Variants in SAMD12 observed in about 807,000 individuals in gnomAD.
SAMD12 encodes the protein sterile alpha motif domain containing 12, also known as sterile alpha motif domain-containing protein 12.
SAMD12 carries 9 observed loss-of-function variants against 15.0 expected under a neutral mutation model. That is an observed-to-expected ratio of 0.60 (90% CI 0.36 to 1.05). SAMD12 has a LOEUF of 1.05. Ranked by LOEUF, SAMD12 falls within the 50% of genes least tolerant of loss-of-function variation. SAMD12 has a pLI of 0.01. For synonymous variants in SAMD12, 86 were observed against 90.1 expected (o/e 0.96, Z 0.25); for missense variants, 230 against 234.2 (o/e 0.98, Z 0.12).
chr8:118,204,172 TC>T (rs1327549933), intron 4 of SAMD12, among the ~76,000 whole-genome samples: 1 of 150,626 alleles, frequency 6.6e-6, no homozygotes, highest in Non-Finnish European at 1.5e-5. Flanking sequence ...ATTATAAGAA[TC>T]AAGATTGGAT....
At chr8:118,321,164 T>TATATATATATATAC (rs1563761552) in intron 4 of SAMD12, among the ~76,000 whole-genome samples, 1 of 81,616 alleles carries the variant, frequency 1.2e-5, no homozygotes, top group African/African-American at 5.0e-5. Flanking sequence ...TATATATATA[T>TATATATATATATAC]ATATATATAT....
intron 2 of SAMD12, among the ~76,000 whole-genome samples, chr8:118,458,035 A>G (rs1823310819): frequency 6.6e-6 from 1 of 152,204 alleles, no homozygotes; most frequent in Non-Finnish European, 1.5e-5. Flanking sequence ...AATCCCATGG[A>G]AGTGCTTAAC....
chr8:118,377,184 T>C (rs910430162), downstream of SAMD12, among the ~76,000 whole-genome samples: 3 of 151,940 alleles, frequency 2.0e-5, no homozygotes, highest in Admixed American at 2.0e-4. Context: ...ATCACTTGAG[T>C]CCAGGATTTC....
intron 1 of SAMD12, among the ~76,000 whole-genome samples, chr8:118,594,493 C>A (rs1169385545): frequency 6.6e-6 from 1 of 151,824 alleles, no homozygotes; most frequent in African/African-American, 2.4e-5. Flanking sequence ...ATGCAACTGA[C>A]CAAAAAATAG....
At chr8:118,299,848 T>A (rs757757841) in intron 4 of SAMD12, among the ~76,000 whole-genome samples, 2 of 152,070 alleles carry the variant, frequency 1.3e-5, no homozygotes, top group Non-Finnish European at 2.9e-5. Context: ...GTTGTTGTTG[T>A]AGGGTAGTGA....
chr8:118,421,550 G>A (rs1474944333), intron 3 of SAMD12, among the ~76,000 whole-genome samples: 3 of 152,174 alleles, frequency 2.0e-5, no homozygotes, highest in Admixed American at 6.5e-5. Flanking sequence ...TCCAAATGTG[G>A]ACACTTTGGG....
chr8:118,522,224 G>A (rs1382462213), intron 2 of SAMD12, among the ~76,000 whole-genome samples: 1 of 150,754 alleles, frequency 6.6e-6, no homozygotes, highest in Non-Finnish European at 1.5e-5. Context: ...ACGATAAAAA[G>A]AGAGAAATCA....
chr8:118,372,732 A>G (rs1193855496), intron 4 of SAMD12, among the ~76,000 whole-genome samples: 1 of 148,470 alleles, frequency 6.7e-6, no homozygotes, highest in Non-Finnish European at 1.5e-5. Flanking sequence ...AACTGTGGTT[A>G]TATTAGGTTG....
intron 3 of SAMD12, among the ~76,000 whole-genome samples, chr8:118,425,553 G>GT (rs1402232109): frequency 6.6e-6 from 1 of 152,126 alleles, no homozygotes; most frequent in Non-Finnish European, 1.5e-5. Context: ...GGAAACAGGA[G>GT]TTTTTTAAAA....
chr8:118,366,884 T>TAAA (rs1818822228), intron 4 of SAMD12, among the ~76,000 whole-genome samples: 1 of 43,398 alleles, frequency 2.3e-5, no homozygotes, highest in Non-Finnish European at 5.0e-5. Context: ...AATAAAATAA[T>TAAA]AAAATAAAAT....
intron 2 of SAMD12, among the ~76,000 whole-genome samples, chr8:118,492,800 C>T (rs903411072): frequency 4.6e-5 from 7 of 152,064 alleles, no homozygotes; most frequent in African/African-American, 7.2e-5. Context: ...GTTCAAATTA[C>T]GATATATAAA....
At chr8:118,478,732 T>TG (rs1824038024) in intron 2 of SAMD12, among the ~76,000 whole-genome samples, 2 of 152,316 alleles carry the variant, frequency 1.3e-5, no homozygotes, top group African/African-American at 4.8e-5. Context: ...CTCTTCCTAA[T>TG]GACTAGCTGC....
chr8:118,466,814 C>T (rs1490848112), intron 2 of SAMD12, among the ~76,000 whole-genome samples: 3 of 151,932 alleles, frequency 2.0e-5, no homozygotes, highest in East Asian at 1.9e-4. Context: ...AAAAAAAATA[C>T]GTTGTGTGTT....
intron 4 of SAMD12, among the ~76,000 whole-genome samples, chr8:118,315,830 G>C (rs73321984): frequency 0.027 from 4,178 of 152,114 alleles, 175 homozygotes; most frequent in African/African-American, 0.093. Context: ...AAACTTCTAG[G>C]GGGTGCTGGT....
chr8:118,464,575 A>G (rs765122369), intron 2 of SAMD12, among the ~76,000 whole-genome samples: 1 of 152,248 alleles, frequency 6.6e-6, no homozygotes, highest in Non-Finnish European at 1.5e-5. Flanking sequence ...TGCTTCTTCC[A>G]AAAGTCAAGA....
chr8:118,339,587 C>T (rs1817249861), intron 4 of SAMD12, among the ~76,000 whole-genome samples: 1 of 152,194 alleles, frequency 6.6e-6, no homozygotes, highest in Non-Finnish European at 1.5e-5. Context: ...GATCACGTGG[C>T]CTCGCTGCGT....
intron 4 of SAMD12, among the ~76,000 whole-genome samples, chr8:118,200,322 CT>C (rs1819679684): frequency 6.6e-6 from 1 of 150,426 alleles, no homozygotes; most frequent in Admixed American, 6.7e-5. Context: ...TATTCTGAGC[CT>C]TTCCCATCCC....
intron 4 of SAMD12, among the ~76,000 whole-genome samples, chr8:118,353,938 C>T (rs996154660): frequency 1.3e-5 from 2 of 152,196 alleles, no homozygotes; most frequent in African/African-American, 4.8e-5. Flanking sequence ...GGCTGCCCTG[C>T]TCTGAAATGT....
At chr8:118,581,324 G>A (rs772905161) in intron 1 of SAMD12, among the ~76,000 whole-genome samples, 5 of 152,104 alleles carry the variant, frequency 3.3e-5, no homozygotes, top group Non-Finnish European at 5.9e-5. Context: ...ATCCACTCAA[G>A]TCCACTCTCT....
Sources: gnomAD v4.1 joint callset for allele counts (sites outside exome capture counted in the v4.1 genomes callset) on GRCh38, gnomAD v4.1.1 for gene constraint, MANE v1.5 for transcripts, NCBI Gene and HGNC (gene_info 2026-07-23, HGNC 2026-07-21) for gene names.